The following IL17D variants were observed in gnomAD, a reference collection of about 807,000 sequenced individuals.
IL17D encodes the protein interleukin-17D.
In IL17D, 10 loss-of-function variants were observed where a neutral mutation model predicts 5.7. The observed-to-expected ratio is 1.75, with a 90% CI of 1.08 to 2.97. IL17D has a LOEUF of 2.97. IL17D is among the 30% of genes most tolerant of loss of function. The probability of loss-of-function intolerance (pLI) is 0.00; values close to 1 mark genes in which losing one functional copy is unlikely to be tolerated. For missense variants in IL17D, 354 were observed against 292.7 expected, an observed-to-expected ratio of 1.21 and a Z score of -1.53; for synonymous variants, 172 against 141.7, an observed-to-expected ratio of 1.21 and a Z score of -1.52.
intron 1 of IL17D, among the ~76,000 whole-genome samples, chr13:20,712,040 T>C (rs2058642020): frequency 6.6e-6 from 1 of 152,224 alleles, no homozygotes; most frequent in South Asian, 2.1e-4. Context: ...CCATTAATTA[T>C]TCCACTTGAC....
At chr13:20,712,921 TTTCTTTCCTTCCTTCCTCCCTCCC>T (rs1404505553) in intron 1 of IL17D, 1 of 152,188 alleles carries the variant, frequency 6.6e-6, no homozygotes. Context: ...TTTCCTTTCT[TTTCTTTCCTTCCTTCCTCCCTCCC>T]TTCTTTCCTT....
chr13:20,707,585 C>T (rs2058600626), intron 1 of IL17D, among the ~76,000 whole-genome samples: 1 of 151,998 alleles, frequency 6.6e-6, no homozygotes, highest in South Asian at 2.1e-4. Context: ...TGCAGTGACA[C>T]AGACAGATCA....
intron 1 of IL17D, among the ~76,000 whole-genome samples, chr13:20,709,467 C>T (rs2058617218): frequency 6.6e-6 from 1 of 152,164 alleles, no homozygotes; most frequent in South Asian, 2.1e-4. Context: ...CTCTAAAAGT[C>T]ATAAGTGGAT....
chr13:20,707,641 C>T (rs542564666), intron 1 of IL17D, among the ~76,000 whole-genome samples: 1 of 152,242 alleles, frequency 6.6e-6, no homozygotes, highest in East Asian at 1.9e-4. Context: ...CTACCTCAGC[C>T]TCCCATGTAG....
Position 20,721,858 on chromosome 13 carries a change from C to A in IL17D, c.513C>A (p.Pro171=), listed in dbSNP as rs377183345. The change falls in exon 2 of 2, where the codon CCC becomes CCA. Residue 171 remains proline, a synonymous_variant. Transcript: ENST00000682841. The part of the protein sequence containing the change: ...VTIPVGCTCV[P]EPEKDADSIN... ...TCCCCGTGGGCTGCACCTGCGTCCC[C>A]GAGCCGGAGAAGGACGCAGACAGCA... The A allele has an allele frequency of 5.0e-6, 8 of 1,610,416 alleles. No homozygotes were observed. The African/African-American group carries it at 1.1e-4, about 22-fold the overall frequency.
chr13:20,721,592 G>A (rs769882466), intron 1 of IL17D, 44 bp from the exon 2 acceptor site: 7 of 1,510,318 alleles, frequency 4.6e-6, no homozygotes, highest in Non-Finnish European at 6.3e-6. Context: ...GCGCGGCGCG[G>A]GGCTGCCCCC....
At chr13:20,720,873 AAC>A (rs1491274358) in intron 1 of IL17D, among the ~76,000 whole-genome samples, 610 of 36,034 alleles carry the variant, frequency 0.017, no homozygotes, top group Non-Finnish European at 0.02. Flanking sequence ...CCTCCCTCCC[AAC>A]CCCCCCCCCC....
chr13:20,721,497 G>A, intron 1 of IL17D, 139 bp from the exon 2 acceptor site: 1 of 640,284 alleles, frequency 1.6e-6, no homozygotes, highest in Non-Finnish European at 2.6e-6. Context: ...GTTGTCGGCG[G>A]GGGGCCTCGC....
upstream of IL17D, chr13:20,701,988 A>C (rs2058550396): frequency 1.3e-5 from 2 of 152,232 alleles, no homozygotes; most frequent in South Asian, 4.1e-4. Flanking sequence ...AACATACAGA[A>C]CTAAGTCTGG....
At chr13:20,721,516 G>C in intron 1 of IL17D, 120 bp from the exon 2 acceptor site, 2 of 770,486 alleles carry the variant, frequency 2.6e-6, no homozygotes, top group South Asian at 3.9e-5. Flanking sequence ...GCACGCACGC[G>C]CCCGCAGGCG....
chr13:20,709,211 C>G lies in IL17D; in HGVS notation c.290+4920C>G, dbSNP rs2058615378. 2.0e-5 allele frequency among the ~76,000 whole-genome samples: 3 copies of G among 150,436 alleles called. No individual in the cohort carries two copies. The Admixed American group carries it at 2.0e-4, about 10-fold the overall frequency. ...GGTTGTGAAGGAAAGGCATTCTCAT[C>G]CAAGTACAGGGGTATGAATCAGCAC... On this transcript the variant is annotated intron_variant, in intron 1 of 1. Coordinates refer to ENST00000682841, the MANE Select transcript of IL17D (RefSeq NM_001385224.1).
rs2058566700 is a variant in IL17D at position 20,704,066 on chromosome 13, G to T, written c.65G>T (p.Gly22Val). 33 of 1,094,842 alleles carry T rather than the reference G, an allele frequency of 3.0e-5. No individual in the cohort carries two copies. Among genetic ancestry groups the T allele is most frequent in the Non-Finnish European group, 3.4e-5 (31 of 905,718 alleles). The allele number at this position is 1,094,842 out of a possible 1,614,324, so 67.8% of individuals were successfully genotyped here. Reference protein sequence around the residue: ...PSWAAGAPRAGRRPARPRGCA... With the variant: ...PSWAAGAPRAVRRPARPRGCA... ...TGGGCCGCGGGCGCCCCGAGGGCGG[G>T]CAGGCGCCCCGCGCGGCCGCGGGGC... Residue 22 changes from glycine (G) to valine (V), a missense_variant, in exon 1 of 2, where the codon GGC becomes GTC. Physicochemically the swap from Gly to Val is moderately radical, Grantham distance 109. Coordinates refer to ENST00000682841, the MANE Select transcript of IL17D (RefSeq NM_001385224.1).
intron 1 of IL17D, among the ~76,000 whole-genome samples, chr13:20,718,249 G>A (rs945574218): frequency 6.6e-6 from 1 of 152,122 alleles, no homozygotes; most frequent in East Asian, 1.9e-4. Flanking sequence ...ACTAACTGCT[G>A]TGGTCTCCAG....
chr13:20,703,559 G>A, upstream of IL17D: 2 of 361,870 alleles, frequency 5.5e-6, no homozygotes, highest in Non-Finnish European at 7.7e-6. Flanking sequence ...TCTGCGAGGC[G>A]GCGGGTCCGG....
intron 1 of IL17D, chr13:20,717,234 A>T (rs921110987): frequency 6.6e-6 from 1 of 152,188 alleles, no homozygotes; most frequent in East Asian, 1.9e-4. Flanking sequence ...AGAGGGGAAA[A>T]CTTGATGTGT....
In IL17D at chr13:20,704,087, GGGGCTGCGCGGACCGGCCGGA is replaced by G; in HGVS notation, c.89_109del (p.Gly30_Glu36del). On this transcript the variant is annotated inframe_deletion, in exon 1 of 2. Transcript: ENST00000682841. ...GCGGGCAGGCGCCCCGCGCGGCCGC[GGGGCTGCGCGGACCGGCCGGA>G]GGAGCTACTGGAGCAGCTGTACGGG... The G allele has an allele frequency of 8.6e-7, 1 of 1,165,144 alleles. No individual in the cohort carries two copies. The allele number at this position is 1,165,144 out of a possible 1,614,324, so 72.2% of individuals were successfully genotyped here. A position where few individuals can be genotyped will look rare whatever the true frequency, so the allele number is the denominator to read the frequency against.
Position 20,708,970 on chromosome 13 carries a change from A to G in IL17D, c.290+4679A>G, listed in dbSNP as rs895954944. On this transcript the variant is annotated intron_variant, in intron 1 of 1. Transcript: ENST00000682841. The stretch of plus-strand genomic sequence containing the variant: ...AGCGAGACTCTGTCTCAAAAAAAAA[A>G]AAAAAAAAGAAAGAAAGAAAAGAAA... Among the ~76,000 whole-genome samples, 49 of 143,334 alleles carry G rather than the reference A, an allele frequency of 3.4e-4. 1 individual carries two copies. Among genetic ancestry groups the G allele is most frequent in the African/African-American group, 1.2e-3 (49 of 39,906 alleles). 94.0% of individuals were successfully genotyped at this position (143,334 alleles called of 152,430 possible).
intron 1 of IL17D, among the ~76,000 whole-genome samples, chr13:20,707,614 A>G (rs575154162): frequency 6.6e-6 from 1 of 152,044 alleles, no homozygotes; most frequent in East Asian, 1.9e-4. Flanking sequence ...TTGACCTTCT[A>G]GGCTCAAGGG....
chr13:20,709,185 A>G (rs1311786417), intron 1 of IL17D, among the ~76,000 whole-genome samples: 4 of 149,050 alleles, frequency 2.7e-5, no homozygotes, highest in African/African-American at 9.9e-5. Context: ...TACGTTGGCA[A>G]GGTTGTGAAG....
Sources: allele counts gnomAD v4.1 joint callset (sites outside exome capture counted in the v4.1 genomes callset), GRCh38; gene constraint gnomAD v4.1.1; transcripts MANE v1.5; gene names NCBI Gene and HGNC (gene_info 2026-07-23, HGNC 2026-07-21).